SGCZ: variants seen among roughly 807,000 people sequenced by gnomAD.
SGCZ encodes the protein sarcoglycan zeta, also known as zeta-sarcoglycan.
Under a neutral mutation model 41.3 loss-of-function variants are expected in SGCZ, and 40 were observed. That is an observed-to-expected ratio of 0.97 (90% CI 0.75 to 1.26). The LOEUF (loss-of-function observed/expected upper bound fraction) is 1.26. SGCZ is among the 50% of genes most tolerant of loss of function. The probability of loss-of-function intolerance (pLI) is 0.00; values close to 1 mark genes in which losing one functional copy is unlikely to be tolerated. For synonymous variants in SGCZ, 206 were observed against 137.5 expected (o/e 1.50, Z -3.49); for missense variants, 552 against 369.8 (o/e 1.49, Z -4.04).
At chr8:14,783,435 A>C (rs1266312816) in intron 1 of SGCZ, among the ~76,000 whole-genome samples, 1 of 148,744 alleles carries the variant, frequency 6.7e-6, no homozygotes, top group Non-Finnish European at 1.5e-5. Flanking sequence ...TTTTGTCTCA[A>C]AAAAAAAAAA....
intron 1 of SGCZ, among the ~76,000 whole-genome samples, chr8:14,591,866 T>A (rs1805252381): frequency 6.6e-6 from 1 of 152,164 alleles, no homozygotes; most frequent in Admixed American, 6.5e-5. Context: ...TCGATTATAA[T>A]TCCACTTTCC....
rs564545372 is a variant in SGCZ, at chr8:14,966,092, G to C, written c.39+271493C>G. Among the ~76,000 whole-genome samples, 24 of 151,676 alleles carry C rather than the reference G, an allele frequency of 1.6e-4. No individual in the cohort carries two copies. In the South Asian group the frequency reaches 5.0e-3, roughly 32 times the overall value. ...AAGACTTAAAAACTGAACATGAAGA[G>C]ACACCTGAAAAGCTATAAGAAAGGC... On this transcript the variant is annotated intron_variant, in intron 1 of 7. Coordinates refer to ENST00000382080, the MANE Select transcript of SGCZ (RefSeq NM_139167.4).
chr8:15,211,048 G>T lies in SGCZ; in HGVS notation c.39+26537C>A, dbSNP rs554905729. Among the ~76,000 whole-genome samples, 16 of 142,860 alleles carry T rather than the reference G, an allele frequency of 1.1e-4. No homozygotes were observed. In the South Asian group the frequency reaches 3.5e-3, roughly 32 times the overall value. 93.7% of individuals were successfully genotyped at this position (142,860 alleles called of 152,430 possible). A position where few individuals can be genotyped will look rare whatever the true frequency, so the allele number is the denominator to read the frequency against. On this transcript the variant is annotated intron_variant, in intron 1 of 7. Transcript: ENST00000382080. ...ATATACATATATAGATATAGATATA[G>T]ATAGATATAGATATACATAGATATA... is the stretch of plus-strand genomic sequence containing the variant.
intron 2 of SGCZ, among the ~76,000 whole-genome samples, chr8:14,394,487 C>T (rs1804909121): frequency 1.3e-5 from 2 of 152,154 alleles, no homozygotes; most frequent in African/African-American, 4.8e-5. Flanking sequence ...TGCATACTGA[C>T]ATCTAAGAAA....
At chr8:14,491,201 T>C (rs962151599) in intron 2 of SGCZ, among the ~76,000 whole-genome samples, 1 of 152,124 alleles carries the variant, frequency 6.6e-6, no homozygotes, top group African/African-American at 2.4e-5. Context: ...TTTATGGTCC[T>C]CACTCCTCCA....
intron 1 of SGCZ, among the ~76,000 whole-genome samples, chr8:14,996,326 C>T (rs976534860): frequency 1.3e-5 from 2 of 152,178 alleles, no homozygotes; most frequent in African/African-American, 4.8e-5. Flanking sequence ...TAACCATGCA[C>T]CCTGACAACT....
At chr8:14,497,577 T>C (rs1802026892) in intron 2 of SGCZ, among the ~76,000 whole-genome samples, 1 of 151,708 alleles carries the variant, frequency 6.6e-6, no homozygotes, top group African/African-American at 2.4e-5. Flanking sequence ...TGTGTGTGTG[T>C]CTGTGTGTGT....
chr8:14,761,732 G>C (rs1457740234), intron 1 of SGCZ, among the ~76,000 whole-genome samples: 1 of 151,728 alleles, frequency 6.6e-6, no homozygotes, highest in Non-Finnish European at 1.5e-5. Flanking sequence ...CACCATGTTG[G>C]CCAGTATAGT....
chr8:14,636,717 C>G (rs190340250), intron 1 of SGCZ, among the ~76,000 whole-genome samples: 3 of 151,808 alleles, frequency 2.0e-5, no homozygotes, highest in Admixed American at 2.0e-4. Flanking sequence ...ATGAGTATCA[C>G]AAGTATATGG....
chr8:14,579,020 T>C (rs1804802352), intron 1 of SGCZ, among the ~76,000 whole-genome samples: 1 of 152,190 alleles, frequency 6.6e-6, no homozygotes, highest in Non-Finnish European at 1.5e-5. Context: ...TAATGATCTT[T>C]GCCTTTATCC....
At chr8:14,222,332 A>G (rs555146463) in intron 4 of SGCZ, among the ~76,000 whole-genome samples, 2 of 151,516 alleles carry the variant, frequency 1.3e-5, no homozygotes, top group South Asian at 2.1e-4. Context: ...ACCATACCCA[A>G]CTAATTTTTG....
chr8:14,926,522 T>C (rs1799754365), intron 1 of SGCZ, among the ~76,000 whole-genome samples: 1 of 152,242 alleles, frequency 6.6e-6, no homozygotes, highest in Non-Finnish European at 1.5e-5. Context: ...ACAAATGTTG[T>C]ACTGAAATTG....
intron 2 of SGCZ, among the ~76,000 whole-genome samples, chr8:14,328,700 T>A (rs962624745): frequency 1.3e-5 from 2 of 152,236 alleles, no homozygotes; most frequent in African/African-American, 4.8e-5. Flanking sequence ...TATGATACTC[T>A]TGTTCATCAT....
rs1422439369 is a variant in SGCZ, at chr8:14,853,567, A to C, written c.40-298641T>G. The C allele has an allele frequency of 1.0e-5, 5 of 496,838 alleles. No homozygotes were observed. The Admixed American group carries it at 1.0e-4, about 10-fold the overall frequency. The allele number at this position is 496,838 out of a possible 1,614,324, so 30.8% of individuals were successfully genotyped here. On this transcript the variant is annotated intron_variant, in intron 1 of 7. Coordinates refer to ENST00000382080, the MANE Select transcript of SGCZ (RefSeq NM_139167.4). ...TAAATTATGCAAACATAATCAAACA[A>C]TACACATTGCAGGTTAAAAAAAAAT... is the stretch of plus-strand genomic sequence containing the variant.
At chr8:14,842,703 C>T (rs1050262574) in intron 1 of SGCZ, among the ~76,000 whole-genome samples, 4 of 151,816 alleles carry the variant, frequency 2.6e-5, no homozygotes, top group African/African-American at 4.8e-5. Context: ...TGCTTTAAGC[C>T]CTGGAAGTTA....
At chr8:14,455,816 T>C (rs894815381) in intron 2 of SGCZ, among the ~76,000 whole-genome samples, 3 of 152,234 alleles carry the variant, frequency 2.0e-5, no homozygotes, top group Non-Finnish European at 2.9e-5. Context: ...GGTTCATATG[T>C]AGGATATATT....
intron 2 of SGCZ, among the ~76,000 whole-genome samples, chr8:14,358,624 T>A (rs763735847): frequency 6.9e-4 from 105 of 152,072 alleles, no homozygotes; most frequent in Admixed American, 2.8e-3. Flanking sequence ...ATATATATAT[T>A]TTTTTGAGAT....
intron 1 of SGCZ, among the ~76,000 whole-genome samples, chr8:14,742,544 G>A (rs1281038819): frequency 6.6e-6 from 1 of 152,008 alleles, no homozygotes; most frequent in Admixed American, 6.6e-5. Flanking sequence ...AGGGAACTAA[G>A]TGTAAACAAG....
intron 3 of SGCZ, among the ~76,000 whole-genome samples, chr8:14,308,076 T>C (rs188120655): frequency 2.0e-5 from 3 of 152,178 alleles, no homozygotes; most frequent in African/African-American, 7.2e-5. Context: ...GGATAAAGAT[T>C]ATTCATTTTG....
Sources: gnomAD v4.1 joint callset for allele counts (sites outside exome capture counted in the v4.1 genomes callset) on GRCh38, gnomAD v4.1.1 for gene constraint, MANE v1.5 for transcripts, NCBI Gene and HGNC (gene_info 2026-07-23, HGNC 2026-07-21) for gene names.